SLC14A2: variants seen among roughly 807,000 people sequenced by gnomAD.
SLC14A2 encodes the protein urea transporter 2.
SLC14A2 carries 91 observed loss-of-function variants against 104.6 expected under a neutral mutation model. The ratio of observed to expected loss-of-function variants is 0.87; its 90% CI spans 0.73 to 1.04. The LOEUF (loss-of-function observed/expected upper bound fraction) is 1.04. SLC14A2 is among the 50% of genes least tolerant of loss of function. SLC14A2 has a pLI of 0.00. For synonymous variants in SLC14A2, 476 were observed against 466.4 expected (o/e 1.02, Z -0.27); for missense variants, 1,189 against 1,156.0 (o/e 1.03, Z -0.41).
the SLC14A2 span, among the ~76,000 whole-genome samples, chr18:45,172,170 C>A: frequency 0.24 from 36,808 of 152,006 alleles, 4,796 homozygotes; most frequent in Non-Finnish European, 0.3. Flanking sequence ...CCACAGGGAC[C>A]CTTGCACCAA....
At chr18:45,389,537 C>T (rs2144407313) in intron 1 of SLC14A2, among the ~76,000 whole-genome samples, 1 of 152,298 alleles carries the variant, frequency 6.6e-6, no homozygotes, top group Admixed American at 6.5e-5. Flanking sequence ...AAATCAACTT[C>T]AACCAGCCTT....
At chr18:45,306,881 A>G (rs1388540936) in intron 1 of SLC14A2, among the ~76,000 whole-genome samples, 6 of 152,104 alleles carry the variant, frequency 3.9e-5, no homozygotes, top group African/African-American at 1.4e-4. Flanking sequence ...AGGCCACAAG[A>G]ACCATCTGTT....
intron 1 of SLC14A2, among the ~76,000 whole-genome samples, chr18:45,467,176 A>G (rs1188492545): frequency 6.6e-6 from 1 of 151,990 alleles, no homozygotes; most frequent in African/African-American, 2.4e-5. Context: ...ATTAGACAGG[A>G]TTTTCTTGAT....
At position 45,567,686 on chromosome 18, in the gene SLC14A2, CCCACCTCTCTCGGCCTCTACCTTT is replaced by C. The variant is rs568900622; in HGVS notation, c.-34-56918_-34-56895del. Among the ~76,000 whole-genome samples, 251 of 152,270 alleles carry C rather than the reference CCCACCTCTCTCGGCCTCTACCTTT, an allele frequency of 1.6e-3. 3 individuals carry two copies. The highest frequency in any genetic ancestry group is 0.014 in the Middle Eastern group (4 of 294). On this transcript the variant is annotated intron_variant, in intron 2 of 20. Transcript: ENST00000586448. ...TAGCTGTCCTGCGTCAAGCAAGCCG[CCCACCTCTCTCGGCCTCTACCTTT>C]CCACCTCTCTCGGCCTCTACCTTTC...
chr18:45,208,891 T>C (rs1378427602), upstream of SLC14A2, among the ~76,000 whole-genome samples: 4 of 151,766 alleles, frequency 2.6e-5, no homozygotes, highest in African/African-American at 9.7e-5. Flanking sequence ...GAAATACCAG[T>C]AAAAAGAAAT....
At chr18:45,280,891 C>A (rs562556729) in intron 1 of SLC14A2, among the ~76,000 whole-genome samples, 1 of 152,272 alleles carries the variant, frequency 6.6e-6, no homozygotes, top group East Asian at 1.9e-4. Context: ...ATCCCAGCAT[C>A]GCTGTGCCTT....
chr18:45,237,974 T>A (rs569433821), intron 1 of SLC14A2, among the ~76,000 whole-genome samples: 1 of 152,334 alleles, frequency 6.6e-6, no homozygotes, highest in Admixed American at 6.5e-5. Flanking sequence ...TGCATATTAA[T>A]GACATCTTTT....
At chr18:45,540,608 G>A (rs1415218577) in intron 2 of SLC14A2, among the ~76,000 whole-genome samples, 2 of 152,118 alleles carry the variant, frequency 1.3e-5, no homozygotes, top group African/African-American at 4.8e-5. Flanking sequence ...AGCCAGGTGT[G>A]GTGGAGGGCG....
intron 1 of SLC14A2, among the ~76,000 whole-genome samples, chr18:45,274,198 G>C (rs2084678944): frequency 6.6e-6 from 1 of 152,158 alleles, no homozygotes; most frequent in Non-Finnish European, 1.5e-5. Flanking sequence ...TGAATCAGCT[G>C]TGATTTGGCT....
At position 45,672,997 on chromosome 18, in the gene SLC14A2, C is replaced by G. The variant is rs1025033759; in HGVS notation, c.2327C>G (p.Pro776Arg). ...CTCATAGCTCTGTTCATATCCTCAC[C>G]TCTCATTTGCTTGCATGCAGCAATT... ...IFLIALFISS[P>R]LICLHAAIGS... The change falls in exon 17 of 20, where the codon CCT becomes CGT. Residue 776 changes from proline to arginine, a missense_variant. Pro to Arg is a moderately radical substitution (Grantham distance 103, BLOSUM62 -2). Coordinates refer to ENST00000255226, the MANE Select transcript of SLC14A2 (RefSeq NM_007163.4). 1 of 1,614,148 alleles carries G rather than the reference C, an allele frequency of 6.2e-7. No homozygotes were observed.
intron 1 of SLC14A2, among the ~76,000 whole-genome samples, chr18:45,381,823 G>A (rs1476057449): frequency 1.3e-5 from 2 of 152,102 alleles, no homozygotes; most frequent in African/African-American, 2.4e-5. Flanking sequence ...GGGGTTTTGT[G>A]GGGGACATAC....
Position 45,608,006 on chromosome 18 carries a change from C to T in SLC14A2, c.-34-16625C>T, listed in dbSNP as rs575584792. The stretch of plus-strand genomic sequence containing the variant: ...TTCTCTCCAATGCCTCCATTCTCTA[C>T]TCCTACCCTACAGTGGGAACTGCTA... On this transcript the variant is annotated intron_variant, in intron 2 of 20. Coordinates refer to the SLC14A2 transcript ENST00000586448. Among the ~76,000 whole-genome samples the T allele has an allele frequency of 3.3e-5, 5 of 152,382 alleles. No homozygotes were observed. The East Asian group carries it at 7.7e-4, about 24-fold the overall frequency.
chr18:45,248,118 G>T (rs1478545859), intron 1 of SLC14A2, among the ~76,000 whole-genome samples: 1 of 152,108 alleles, frequency 6.6e-6, no homozygotes, highest in Non-Finnish European at 1.5e-5. Flanking sequence ...TTAGATTTGT[G>T]CAGTAAATGC....
At chr18:45,498,740 AAAAG>A (rs1174623100) in intron 2 of SLC14A2, among the ~76,000 whole-genome samples, 2 of 152,164 alleles carry the variant, frequency 1.3e-5, no homozygotes, top group Admixed American at 6.5e-5. Context: ...GGGAAAGAAA[AAAAG>A]AGAGAGAGAA....
At chr18:45,375,186 C>G (rs1287807055) in intron 1 of SLC14A2, among the ~76,000 whole-genome samples, 1 of 152,112 alleles carries the variant, frequency 6.6e-6, no homozygotes, top group African/African-American at 2.4e-5. Flanking sequence ...CAGTCCTTTC[C>G]CAAAATAAAC....
chr18:45,444,949 A>G (rs1568208226), intron 1 of SLC14A2, among the ~76,000 whole-genome samples: 1 of 152,196 alleles, frequency 6.6e-6, no homozygotes, highest in Non-Finnish European at 1.5e-5. Context: ...TATCTAATAC[A>G]ATGACTGGTA....
At chr18:45,325,440 C>T (rs903281437) in intron 1 of SLC14A2, among the ~76,000 whole-genome samples, 1 of 152,212 alleles carries the variant, frequency 6.6e-6, no homozygotes. Context: ...GGTATTATTA[C>T]ACTGGTGAAT....
chr18:45,540,464 C>A (rs914368725), intron 2 of SLC14A2, among the ~76,000 whole-genome samples: 5 of 152,030 alleles, frequency 3.3e-5, no homozygotes, highest in African/African-American at 1.2e-4. Context: ...CAGAGTGGGC[C>A]GGGTGCGGTG....
intron 2 of SLC14A2, among the ~76,000 whole-genome samples, chr18:45,601,122 A>G (rs2044785479): frequency 6.6e-6 from 1 of 152,156 alleles, no homozygotes; most frequent in Non-Finnish European, 1.5e-5. Flanking sequence ...TCCCCTCAGG[A>G]TGATCAGTGC....
Sources: allele counts gnomAD v4.1 joint callset (sites outside exome capture counted in the v4.1 genomes callset), GRCh38; gene constraint gnomAD v4.1.1; transcripts MANE v1.5; gene names NCBI Gene and HGNC (gene_info 2026-07-23, HGNC 2026-07-21).